DST: variants seen among roughly 807,000 people sequenced by gnomAD.
DST encodes the protein bullous pemphigoid antigen.
Under a neutral mutation model 875.2 loss-of-function variants are expected in DST, and 253 were observed. The observed-to-expected ratio is 0.29, with a 90% CI of 0.26 to 0.32. DST has a LOEUF of 0.32. DST is among the 10% of genes least tolerant of loss of function. The pLI is 1.00. For synonymous variants in DST, 3,124 were observed against 3,197.1 expected (o/e 0.98, Z 0.77); for missense variants, 8,287 against 9,111.6 (o/e 0.91, Z 3.68).
At chr6:56,527,193 T>C (rs1294391941) in intron 68 of DST, among the ~76,000 whole-genome samples, 1 of 152,234 alleles carries the variant, frequency 6.6e-6, no homozygotes, top group Non-Finnish European at 1.5e-5. Context: ...CCAAATTATG[T>C]GTGTCTCTGA....
At chr6:56,500,931 G>A in intron 80 of DST, 149 bp downstream of exon 80, 1 of 721,282 alleles carries the variant, frequency 1.4e-6, no homozygotes, top group Non-Finnish European at 2.1e-6. Flanking sequence ...AATGTTTTAA[G>A]TAGTTAACCT....
intron 4 of DST, among the ~76,000 whole-genome samples, chr6:56,762,648 CTG>C (rs562163051): frequency 4.6e-5 from 7 of 152,214 alleles, no homozygotes; most frequent in Non-Finnish European, 1.0e-4. Context: ...CACCCAATAA[CTG>C]TTTGCTTAAC....
intron 13 of DST, among the ~76,000 whole-genome samples, chr6:56,647,688 GTT>G (rs111620249): frequency 2.5e-4 from 32 of 126,862 alleles, no homozygotes; most frequent in African/African-American, 7.0e-4. Flanking sequence ...TTTTTGTAAT[GTT>G]TTTTTTTTTT....
In DST at chr6:56,592,186, G is replaced by A; in HGVS notation, c.12899C>T (p.Thr4300Ile). ...GATCTTTCTCTCGCTTTTTACCTTG[G>A]TCTCTTCTAATTGCCTTTGAAGATT... is the stretch of plus-strand genomic sequence containing the variant. ...PKNLQRQLEETKALQGQISSQ... is the reference protein window; with the variant it reads ...PKNLQRQLEEIKALQGQISSQ... The change falls in exon 49 of 104, where the codon ACC becomes ATC. Residue 4300 changes from threonine (T) to isoleucine (I), a missense_variant. Thr to Ile is a moderately conservative substitution (Grantham distance 89, BLOSUM62 -1). Transcript: ENST00000680361. 6.2e-7 allele frequency: 1 copy of A among 1,612,530 alleles called. No individual in the cohort carries two copies. The highest frequency in any genetic ancestry group is 1.1e-5 in the South Asian group (1 of 90,590).
At chr6:56,638,005 T>C (rs1389234110) in intron 22 of DST, among the ~76,000 whole-genome samples, 1 of 152,142 alleles carries the variant, frequency 6.6e-6, no homozygotes, top group Non-Finnish European at 1.5e-5. Context: ...ACAGTATTGA[T>C]AATTAACTAA....
chr6:56,802,993 A>C (rs2099749033), intron 4 of DST, among the ~76,000 whole-genome samples: 1 of 152,206 alleles, frequency 6.6e-6, no homozygotes, highest in African/African-American at 2.4e-5. Flanking sequence ...AAATAATCCA[A>C]AATACTGTAG....
intron 84 of DST, 81 bp from the exon 85 acceptor site, chr6:56,492,514 G>T: frequency 1.5e-6 from 2 of 1,369,042 alleles, no homozygotes; most frequent in Non-Finnish European, 2.0e-6. Context: ...TCATAAACCT[G>T]AAATTATTTT....
At chr6:56,763,746 G>A (rs1005376192) in intron 4 of DST, among the ~76,000 whole-genome samples, 1 of 148,066 alleles carries the variant, frequency 6.8e-6, no homozygotes, top group Admixed American at 6.7e-5. Flanking sequence ...GGTGGGGGTG[G>A]GGGGGAGAAA....
intron 9 of DST, among the ~76,000 whole-genome samples, chr6:56,689,088 C>T (rs1209574325): frequency 6.6e-6 from 1 of 152,126 alleles, no homozygotes; most frequent in East Asian, 1.9e-4. Context: ...ACTTAACTTT[C>T]CTGAGACTCA....
At chr6:56,879,504 A>G (rs1017092942) in intron 3 of DST, among the ~76,000 whole-genome samples, 1 of 152,146 alleles carries the variant, frequency 6.6e-6, no homozygotes, top group Non-Finnish European at 1.5e-5. Context: ...AGTAACATGC[A>G]TATAGTGGTA....
Position 56,642,676 on chromosome 6 carries a change from G to A in DST, c.1779-173C>T. Reference sequence around the variant, plus strand: ...GCTAATGCAAGAGTTGATCAGTGTTGGACCACAATGAACCAAGAGAAGATT... The same window carrying A: ...GCTAATGCAAGAGTTGATCAGTGTTAGACCACAATGAACCAAGAGAAGATT... On this transcript the variant is annotated intron_variant, in intron 15 of 103. Transcript: ENST00000680361. 6.2e-7 allele frequency: 1 copy of A among 1,614,072 alleles called. No homozygotes were observed. The highest frequency in any genetic ancestry group is 8.5e-7 in the Non-Finnish European group (1 of 1,179,982).
chr6:56,806,163 T>TA (rs988209357), intron 4 of DST, among the ~76,000 whole-genome samples: 1 of 152,168 alleles, frequency 6.6e-6, no homozygotes, highest in African/African-American at 2.4e-5. Context: ...AAGTTTTAAA[T>TA]AAAAAATATC....
At chr6:56,777,595 A>G (rs2099681638) in intron 4 of DST, among the ~76,000 whole-genome samples, 2 of 152,118 alleles carry the variant, frequency 1.3e-5, no homozygotes, top group African/African-American at 4.8e-5. Context: ...AAACTCACCA[A>G]TCACATTCAG....
At chr6:56,569,822 A>G in intron 54 of DST, 34 bp downstream of exon 54, 1 of 1,568,944 alleles carries the variant, frequency 6.4e-7, no homozygotes, top group Non-Finnish European at 8.7e-7. Flanking sequence ...TATTGACACA[A>G]ATGGAAATTT....
chr6:56,939,560 T>C (rs1815190795), intron 2 of DST, among the ~76,000 whole-genome samples: 1 of 152,210 alleles, frequency 6.6e-6, no homozygotes, highest in South Asian at 2.1e-4. Flanking sequence ...TAAGAAAAAT[T>C]ACTTACATAA....
At chr6:56,783,507 T>G (rs959791007) in intron 4 of DST, among the ~76,000 whole-genome samples, 54 of 152,164 alleles carry the variant, frequency 3.5e-4, no homozygotes, top group Non-Finnish European at 6.2e-4. Context: ...TTGATCTTTG[T>G]TGGTTTAAAG....
At chr6:56,765,956 T>C (rs2099632279) in intron 4 of DST, among the ~76,000 whole-genome samples, 1 of 152,226 alleles carries the variant, frequency 6.6e-6, no homozygotes, top group South Asian at 2.1e-4. Context: ...TTGTGTTTAC[T>C]TGAACTATAT....
At chr6:56,930,996 G>A (rs993330711) in intron 2 of DST, among the ~76,000 whole-genome samples, 3 of 152,218 alleles carry the variant, frequency 2.0e-5, no homozygotes, top group African/African-American at 7.2e-5. Context: ...CACTTATATT[G>A]TGGAATTCAA....
At position 56,620,687 on chromosome 6, in the gene DST, T is replaced by C. The variant is rs1281408978; in HGVS notation, c.4929+3843A>G. ...CTGAAGCAGATCTGAATATGCCCCA[T>C]GTTCAGAAGTCTCCTTACACCTTTT... On this transcript the variant is annotated intron_variant, in intron 36 of 103. Transcript: ENST00000680361. 8 of 1,614,002 alleles carry C rather than the reference T, an allele frequency of 5.0e-6. No homozygotes were observed. The highest frequency in any genetic ancestry group is 4.5e-5 in the East Asian group (2 of 44,900).
Sources: allele counts gnomAD v4.1 joint callset (sites outside exome capture counted in the v4.1 genomes callset), GRCh38; gene constraint gnomAD v4.1.1; transcripts MANE v1.5; gene names NCBI Gene and HGNC (gene_info 2026-07-23, HGNC 2026-07-21).